Variants in NRG3 observed in about 807,000 individuals in gnomAD.
NRG3 encodes the protein neuregulin 3.
A neutral mutation model predicts 66.9 loss-of-function variants in NRG3; 31 were observed. That is an observed-to-expected ratio of 0.46 (90% confidence interval 0.35 to 0.63). NRG3 has a LOEUF of 0.63. Among genes scored for constraint, NRG3 ranks in the 20% least tolerant of loss-of-function variants. The probability of loss-of-function intolerance (pLI) is 0.00; values close to 1 mark genes in which losing one functional copy is unlikely to be tolerated. For missense variants in NRG3, 910 were observed against 878.9 expected, an observed-to-expected ratio of 1.04 and a Z score of -0.45; for synonymous variants, 393 against 359.4, an observed-to-expected ratio of 1.09 and a Z score of -1.06.
intron 4 of NRG3, among the ~76,000 whole-genome samples, chr10:82,895,546 A>G (rs554667306): frequency 1.4e-5 from 2 of 141,674 alleles, no homozygotes; most frequent in South Asian, 2.2e-4. Context: ...GCTGGAGTGC[A>G]GTGGCACGAT....
intron 1 of NRG3, among the ~76,000 whole-genome samples, chr10:82,173,193 T>C (rs1475957991): frequency 6.6e-6 from 1 of 152,126 alleles, no homozygotes; most frequent in Non-Finnish European, 1.5e-5. Flanking sequence ...CACATTGATA[T>C]GTAGTGAAAT....
intron 1 of NRG3, among the ~76,000 whole-genome samples, chr10:82,223,863 A>G (rs1396108328): frequency 3.9e-5 from 6 of 152,222 alleles, no homozygotes; most frequent in African/African-American, 1.4e-4. Flanking sequence ...GCTTCCAGAA[A>G]GCAGCACCTT....
At chr10:82,279,515 C>G (rs1039647990) in intron 1 of NRG3, among the ~76,000 whole-genome samples, 1 of 152,100 alleles carries the variant, frequency 6.6e-6, no homozygotes, top group African/African-American at 2.4e-5. Context: ...TGACTGAAAA[C>G]CTTTTATACT....
At chr10:82,346,393 C>A (rs369464373) in intron 1 of NRG3, among the ~76,000 whole-genome samples, 5 of 138,630 alleles carry the variant, frequency 3.6e-5, no homozygotes, top group East Asian at 4.3e-4. Flanking sequence ...ATTGAACCAG[C>A]CTTGCATCCC....
chr10:81,934,760 C>T (rs1386105853), intron 1 of NRG3, among the ~76,000 whole-genome samples: 1 of 152,068 alleles, frequency 6.6e-6, no homozygotes, highest in East Asian at 1.9e-4. Flanking sequence ...TTTGTTTCTA[C>T]TCTTACATAC....
intron 2 of NRG3, among the ~76,000 whole-genome samples, chr10:82,592,423 T>C (rs1322466168): frequency 6.6e-6 from 1 of 152,196 alleles, no homozygotes; most frequent in Non-Finnish European, 1.5e-5. Context: ...ACTGGCTAGA[T>C]CTCAGTCACA....
chr10:81,981,303 G>T (rs1215969595), intron 1 of NRG3, among the ~76,000 whole-genome samples: 2 of 152,146 alleles, frequency 1.3e-5, no homozygotes, highest in Admixed American at 1.3e-4. Context: ...ACAGGAATGG[G>T]ATGAAAATTC....
intron 1 of NRG3, among the ~76,000 whole-genome samples, chr10:82,272,652 T>A (rs2078655729): frequency 6.6e-6 from 1 of 152,038 alleles, no homozygotes; most frequent in Admixed American, 6.6e-5. Flanking sequence ...TTCAAAAACT[T>A]TTGAGTTCGT....
intron 4 of NRG3, among the ~76,000 whole-genome samples, chr10:82,908,136 AT>A (rs768206141): frequency 1.3e-5 from 2 of 152,186 alleles, no homozygotes; most frequent in Non-Finnish European, 2.9e-5. Flanking sequence ...ATGTCTGTGT[AT>A]TGTGGTGGAA....
intron 1 of NRG3, among the ~76,000 whole-genome samples, chr10:82,110,735 C>A (rs2067336141): frequency 6.6e-6 from 1 of 151,908 alleles, no homozygotes; most frequent in African/African-American, 2.4e-5. Flanking sequence ...AGGTTTATGT[C>A]AGATGTCTTT....
At chr10:82,900,646 T>G (rs1177173810) in intron 4 of NRG3, among the ~76,000 whole-genome samples, 1 of 152,172 alleles carries the variant, frequency 6.6e-6, no homozygotes, top group Non-Finnish European at 1.5e-5. Context: ...CGTTATTTCA[T>G]TTTTTAAAAT....
chr10:82,175,827 C>T (rs1402778235), intron 1 of NRG3, among the ~76,000 whole-genome samples: 1 of 152,154 alleles, frequency 6.6e-6, no homozygotes, highest in Admixed American at 6.6e-5. Flanking sequence ...TAGACGGATA[C>T]TATTTATTGC....
intron 2 of NRG3, among the ~76,000 whole-genome samples, chr10:82,514,810 A>T (rs564298539): frequency 6.6e-6 from 1 of 152,310 alleles, no homozygotes. Context: ...TTTGGGTAGT[A>T]TGGCCATTTT....
chr10:82,762,702 T>A (rs1196503493), intron 3 of NRG3, among the ~76,000 whole-genome samples: 1 of 152,206 alleles, frequency 6.6e-6, no homozygotes, highest in Non-Finnish European at 1.5e-5. Flanking sequence ...ATTCAACTCT[T>A]GTCTTCAATA....
intron 1 of NRG3, among the ~76,000 whole-genome samples, chr10:81,962,272 A>G (rs114743140): frequency 1.6e-3 from 237 of 152,338 alleles, no homozygotes; most frequent in African/African-American, 5.5e-3. Context: ...TATTAAATGA[A>G]CTATAAAATA....
intron 4 of NRG3, among the ~76,000 whole-genome samples, chr10:82,915,522 G>A (rs12243071): frequency 0.3 from 45,299 of 151,832 alleles, 7,086 homozygotes; most frequent in East Asian, 0.54. Context: ...CAATATTCCT[G>A]GCACACAGTG....
chr10:82,638,645 C>T (rs2050356269), intron 2 of NRG3, among the ~76,000 whole-genome samples: 4 of 151,728 alleles, frequency 2.6e-5, no homozygotes, highest in African/African-American at 9.7e-5. Context: ...TCCTGAAATA[C>T]ACTTTTTTTT....
intron 2 of NRG3, among the ~76,000 whole-genome samples, chr10:82,409,344 A>G (rs1434219828): frequency 6.6e-6 from 1 of 152,190 alleles, no homozygotes; most frequent in African/African-American, 2.4e-5. Flanking sequence ...TGATTTGGAT[A>G]ATGCTTGTGT....
At chr10:82,709,583 G>C (rs1284603312) in intron 2 of NRG3, among the ~76,000 whole-genome samples, 1 of 152,054 alleles carries the variant, frequency 6.6e-6, no homozygotes, top group African/African-American at 2.4e-5. Context: ...GTTTAACCAT[G>C]TTGACCAGGA....
Sources: allele counts gnomAD v4.1 joint callset (sites outside exome capture counted in the v4.1 genomes callset), GRCh38; gene constraint gnomAD v4.1.1; transcripts MANE v1.5; gene names NCBI Gene and HGNC (gene_info 2026-07-23, HGNC 2026-07-21).